BIK: variants seen among roughly 807,000 people sequenced by gnomAD.
The protein encoded by BIK is bcl-2-interacting killer.
In BIK, 14 loss-of-function variants were observed where a neutral mutation model predicts 12.1. The ratio of observed to expected loss-of-function variants is 1.16; its 90% confidence interval spans 0.77 to 1.81. The LOEUF (loss-of-function observed/expected upper bound fraction) is 1.81, where lower values mean the gene tolerates loss of function less well. Ranked by LOEUF, BIK falls within the 40% of genes most tolerant of loss-of-function variation. BIK has a pLI of 0.00. For synonymous variants in BIK, 86 were observed against 92.3 expected, an observed-to-expected ratio of 0.93 and a Z score of 0.39; for missense variants, 215 against 207.9, an observed-to-expected ratio of 1.03 and a Z score of -0.21.
At chr22:43,123,572 G>A (rs919199698) in intron 1 of BIK, among the ~76,000 whole-genome samples, 8 of 152,134 alleles carry the variant, frequency 5.3e-5, no homozygotes, top group African/African-American at 1.9e-4. Context: ...CCAACATGAT[G>A]AAACCCCCGT....
At chr22:43,124,797 C>CA (rs4988420) in intron 2 of BIK, among the ~76,000 whole-genome samples, 5,534 of 152,210 alleles carry the variant, frequency 0.036, 154 homozygotes, top group Non-Finnish European at 0.051. Flanking sequence ...GAGGCTGAGG[C>CA]AGGAGAATCT....
rs773998673 is a variant in BIK, at chr22:43,129,296, G to A, written c.474G>A (p.Leu158=). 11 of 1,599,548 alleles carry A rather than the reference G, an allele frequency of 6.9e-6. No homozygotes were observed. The highest frequency in any genetic ancestry group is 1.7e-4 in the Middle Eastern group (1 of 6,052). ...LPLLSGGLHL[L]LK ...TGCTCAGCGGGGGCCTGCACCTGCT[G>A]CTCAAGTGAGGCCCCGGCGGCTCAG... The change falls in exon 5 of 5, where the codon CTG becomes CTA. Residue 158 remains leucine, a synonymous_variant. Coordinates refer to ENST00000216115, the MANE Select transcript of BIK (RefSeq NM_001197.5).
rs1386593378 is a variant in BIK at position 43,110,789 on chromosome 22, C to A, written c.-22C>A. The stretch of plus-strand genomic sequence containing the variant: ...CCGGGTGGCTTACAGACGCTGCCAG[C>A]ATCGCCGCCGCCAGGTGAGTGCCCC... On this transcript the variant is annotated 5_prime_UTR_variant, in exon 1 of 5. Transcript: ENST00000216115. 2 of 152,190 alleles carry A rather than the reference C, an allele frequency of 1.3e-5. No homozygotes were observed. The highest frequency in any genetic ancestry group is 2.9e-5 in the Non-Finnish European group (2 of 68,050). The allele number at this position is 152,190 out of a possible 1,614,324, so 9.4% of individuals were successfully genotyped here. A position where few individuals can be genotyped will look rare whatever the true frequency, so the allele number is the denominator to read the frequency against.
At chr22:43,129,085 C>G in intron 4 of BIK, 128 bp from the exon 5 acceptor site, 1 of 1,520,010 alleles carries the variant, frequency 6.6e-7, no homozygotes, top group Non-Finnish European at 9.0e-7. Context: ...CTCCTTCCTT[C>G]TCTGGTCCCC....
At chr22:43,124,210 C>T (rs1026104680) in intron 2 of BIK, 27 bp downstream of exon 2, 47 of 1,611,028 alleles carry the variant, frequency 2.9e-5, no homozygotes, top group African/African-American at 2.3e-4. Context: ...TGCCCTACCC[C>T]CTGCCTGATA....
At chr22:43,125,430 G>C (rs1219095673) in intron 2 of BIK, among the ~76,000 whole-genome samples, 1 of 151,994 alleles carries the variant, frequency 6.6e-6, no homozygotes, top group Non-Finnish European at 1.5e-5. Flanking sequence ...ACCGGGCCGG[G>C]CGCCGTGGCT....
rs561868098 is a variant in BIK, at chr22:43,121,175, AAAAC to A, written c.-7-2821_-7-2818del. Among the ~76,000 whole-genome samples, 268 of 152,278 alleles carry A rather than the reference AAAAC, an allele frequency of 1.8e-3. 1 individual carries two copies. Among genetic ancestry groups the A allele is most frequent in the Middle Eastern group, 3.4e-3 (1 of 294 alleles). ...TGGGCAATAGAGTGAGACTGTCTCA[AAAAC>A]AAACAAACAAACAAACAAAAAAACA... On this transcript the variant is annotated intron_variant, in intron 1 of 4. Coordinates refer to ENST00000216115, the MANE Select transcript of BIK (RefSeq NM_001197.5).
intron 1 of BIK, among the ~76,000 whole-genome samples, chr22:43,118,721 A>C (rs774351776): frequency 3.3e-5 from 5 of 152,080 alleles, no homozygotes; most frequent in Admixed American, 6.6e-5. Flanking sequence ...CCTGCCTGTG[A>C]AACAGGAAGT....
At chr22:43,118,962 T>C (rs1251222268) in intron 1 of BIK, among the ~76,000 whole-genome samples, 2 of 152,062 alleles carry the variant, frequency 1.3e-5, no homozygotes, top group South Asian at 2.1e-4. Flanking sequence ...GGGAGGTAGA[T>C]GGCGTTTCCC....
intron 1 of BIK, among the ~76,000 whole-genome samples, chr22:43,123,814 G>GC (rs1237267114): frequency 6.6e-6 from 1 of 152,202 alleles, no homozygotes; most frequent in Non-Finnish European, 1.5e-5. Flanking sequence ...GAACAGAGAT[G>GC]CTAGGCGACT....
At chr22:43,128,361 A>C in intron 3 of BIK, 135 bp from the exon 4 acceptor site, 71 of 1,048,422 alleles carry the variant, frequency 6.8e-5, no homozygotes, top group Non-Finnish European at 9.0e-5. Flanking sequence ...GCCCACGGAA[A>C]GGGCCCCGGG....
intron 2 of BIK, among the ~76,000 whole-genome samples, chr22:43,127,489 C>T (rs547827149): frequency 5.4e-4 from 82 of 152,342 alleles, no homozygotes; most frequent in African/African-American, 1.8e-3. Context: ...GGGCCACCCA[C>T]GGATGGGACC....
Sources: allele counts gnomAD v4.1 joint callset (sites outside exome capture counted in the v4.1 genomes callset), GRCh38; gene constraint gnomAD v4.1.1; transcripts MANE v1.5; gene names NCBI Gene and HGNC (gene_info 2026-07-23, HGNC 2026-07-21).